Variants in KMT2C observed in about 807,000 individuals in gnomAD.
The protein encoded by KMT2C is lysine methyltransferase 2C.
A neutral mutation model predicts 507.9 loss-of-function variants in KMT2C; 88 were observed. The observed-to-expected ratio is 0.17, with a 90% confidence interval of 0.15 to 0.21. The LOEUF (loss-of-function observed/expected upper bound fraction) is 0.21, where lower values mean the gene tolerates loss of function less well. KMT2C is among the 10% of genes least tolerant of loss of function. The pLI is 1.00. For missense variants in KMT2C, 4,954 were observed against 5,957.8 expected (o/e 0.83, Z 5.55); for synonymous variants, 2,049 against 2,080.8 (o/e 0.98, Z 0.42).
At chr7:152,174,533 A>G (rs541058927) in intron 38 of KMT2C, among the ~76,000 whole-genome samples, 2 of 152,242 alleles carry the variant, frequency 1.3e-5, no homozygotes, top group South Asian at 4.1e-4. Flanking sequence ...TTGCAATGCT[A>G]ATCAGAATGG....
intron 2 of KMT2C, among the ~76,000 whole-genome samples, chr7:152,346,404 T>G (rs1315280684): frequency 4.6e-5 from 7 of 152,178 alleles, no homozygotes; most frequent in Non-Finnish European, 1.0e-4. Flanking sequence ...CACGTCAGAA[T>G]TCAACTAGAA....
At chr7:152,411,579 C>T (rs35774605) in intron 1 of KMT2C, among the ~76,000 whole-genome samples, 1 of 152,218 alleles carries the variant, frequency 6.6e-6, no homozygotes, top group African/African-American at 2.4e-5. Context: ...AAAGTAGATC[C>T]GACGTAAAGC....
chr7:152,416,893 C>A (rs1274779410), intron 1 of KMT2C, among the ~76,000 whole-genome samples: 4 of 150,834 alleles, frequency 2.7e-5, no homozygotes, highest in African/African-American at 4.9e-5. Context: ...CTACTAAAAT[C>A]AAAAAATTAG....
In KMT2C at chr7:152,266,245, T is replaced by C. The variant is rs1484414122; in HGVS notation, c.1013-1036A>G. Among the ~76,000 whole-genome samples the C allele has an allele frequency of 2.0e-5, 3 of 152,022 alleles. No individual in the cohort carries two copies. In the East Asian group the frequency reaches 5.8e-4, roughly 29 times the overall value. On this transcript the variant is annotated intron_variant, in intron 7 of 58. Coordinates refer to ENST00000262189, the MANE Select transcript of KMT2C (RefSeq NM_170606.3). ...AGTATCACAAAGTATATGAACCTTT[T>C]TTTTTTCCTTTTTTTTTGAGACAGA...
At chr7:152,270,931 C>T (rs928480116) in intron 7 of KMT2C, among the ~76,000 whole-genome samples, 30 of 152,178 alleles carry the variant, frequency 2.0e-4, no homozygotes, top group Non-Finnish European at 4.1e-4. Context: ...AATTTCTCAA[C>T]TTTTATAAAA....
intron 2 of KMT2C, among the ~76,000 whole-genome samples, chr7:152,345,288 T>C (rs1178869312): frequency 1.3e-5 from 2 of 151,900 alleles, no homozygotes; most frequent in African/African-American, 4.8e-5. Flanking sequence ...TGTGCACCAG[T>C]AGTCCCAGCT....
intron 2 of KMT2C, among the ~76,000 whole-genome samples, chr7:152,356,129 T>TA (rs759825139): frequency 1.3e-5 from 2 of 152,252 alleles, no homozygotes; most frequent in Admixed American, 6.5e-5. Flanking sequence ...GAAAATAGAT[T>TA]TGATGGTAGA....
chr7:152,190,908 C>A (rs192385279), intron 31 of KMT2C, among the ~76,000 whole-genome samples: 8 of 152,258 alleles, frequency 5.3e-5, no homozygotes, highest in Non-Finnish European at 7.4e-5. Context: ...AACTGTACAA[C>A]CTGTCTCTAA....
In KMT2C at chr7:152,181,143, T is replaced by C; in HGVS notation, c.6717A>G (p.Thr2239=). The change falls in exon 36 of 59, where the codon ACA becomes ACG. Residue 2239 remains threonine, a synonymous_variant. Coordinates refer to ENST00000262189, the MANE Select transcript of KMT2C (RefSeq NM_170606.3). ...CCTGATTTGGCATGAGGACTGGTCT[T>C]GTCATTGAGGACCTAGTAAAACCCT... ...ISEGFTRSSM[T]RPVLMPNQDP... The C allele has an allele frequency of 1.2e-6, 2 of 1,614,148 alleles. No homozygotes were observed. The highest frequency in any genetic ancestry group is 1.7e-6 in the Non-Finnish European group (2 of 1,180,030).
intron 1 of KMT2C, among the ~76,000 whole-genome samples, chr7:152,431,958 G>A (rs904305756): frequency 3.3e-5 from 5 of 152,190 alleles, no homozygotes; most frequent in Non-Finnish European, 5.9e-5. Context: ...GCTATGAAAA[G>A]GAGAAATTTT....
At position 152,397,301 on chromosome 7, in the gene KMT2C, T is replaced by C. The variant is rs547766838; in HGVS notation, c.161+38325A>G. Among the ~76,000 whole-genome samples the C allele has an allele frequency of 2.0e-5, 3 of 151,984 alleles. No homozygotes were observed. The South Asian group carries it at 6.2e-4, about 32-fold the overall frequency. On this transcript the variant is annotated intron_variant, in intron 1 of 58. Coordinates refer to ENST00000262189, the MANE Select transcript of KMT2C (RefSeq NM_170606.3). ...ACCTCCACCTCCCAGGTACAAGCAA[T>C]TCTCTCCTGCCTCAGCCTCCTGAGC...
rs182583801 is a variant in KMT2C at position 152,302,828 on chromosome 7, G to A, written c.849+7138C>T. ...GGTTAATTTTTATATTTTTTTAGTA[G>A]AGACAGGGTTTTGCCATGTTGGTTA... On this transcript the variant is annotated intron_variant, in intron 6 of 58. Coordinates refer to ENST00000262189, the MANE Select transcript of KMT2C (RefSeq NM_170606.3). 2.1e-3 allele frequency among the ~76,000 whole-genome samples: 321 copies of A among 151,962 alleles called. 3 individuals carry two copies. The highest frequency in any genetic ancestry group is 0.01 in the Middle Eastern group (3 of 294).
At chr7:152,204,091 A>G (rs1273693836) in intron 25 of KMT2C, among the ~76,000 whole-genome samples, 3 of 151,652 alleles carry the variant, frequency 2.0e-5, no homozygotes, top group Non-Finnish European at 2.9e-5. Context: ...ACACCTTCAC[A>G]CAAACCATCA....
At chr7:152,330,492 C>A in intron 3 of KMT2C, 109 bp downstream of exon 3, 3 of 1,087,174 alleles carry the variant, frequency 2.8e-6, no homozygotes, top group Non-Finnish European at 4.1e-6. Flanking sequence ...ATCATAAAAT[C>A]CCACCCAGAT....
At chr7:152,395,355 T>TC (rs879263079) in intron 1 of KMT2C, among the ~76,000 whole-genome samples, 1,756 of 148,572 alleles carry the variant, frequency 0.012, 22 homozygotes, top group African/African-American at 0.036. Context: ...GGCTTTTCTT[T>TC]CCCCCCCCCA....
In KMT2C at chr7:152,181,777, C is replaced by T. The variant is rs778364715; in HGVS notation, c.6083G>A (p.Arg2028Gln). The T allele has an allele frequency of 6.8e-6, 11 of 1,613,862 alleles. No individual in the cohort carries two copies. The highest frequency in any genetic ancestry group is 3.3e-5 in the South Asian group (3 of 91,062). The change falls in exon 36 of 59, where the codon CGA becomes CAA. Residue 2028 changes from arginine (R) to glutamine (Q), a missense_variant. Arg to Gln is a conservative substitution (Grantham distance 43, BLOSUM62 1). Around this residue, in one of 29 missense-constraint regions of KMT2C, gnomAD observed 1,689 missense variants for 1,654.3 expected, o/e 1.02. Coordinates refer to ENST00000262189, the MANE Select transcript of KMT2C (RefSeq NM_170606.3). ...QRQRIPDSYA[R>Q]PLLTPAPLDS... Reference sequence around the variant, plus strand: ...AAGAGGTGCAGGTGTCAACAAGGGTCGTGCATATGAGTCAGGTATCCTTTG... The same window carrying T: ...AAGAGGTGCAGGTGTCAACAAGGGTTGTGCATATGAGTCAGGTATCCTTTG...
chr7:152,359,505 C>T (rs1277717793), intron 1 of KMT2C, among the ~76,000 whole-genome samples: 1 of 152,118 alleles, frequency 6.6e-6, no homozygotes, highest in Non-Finnish European at 1.5e-5. Flanking sequence ...TAAGGTGGCT[C>T]ACACCTGTAA....
At chr7:152,355,827 A>AT (rs776628811) in intron 2 of KMT2C, among the ~76,000 whole-genome samples, 6 of 152,154 alleles carry the variant, frequency 3.9e-5, no homozygotes, top group Non-Finnish European at 7.4e-5. Context: ...TAACTCAAGG[A>AT]TTTTTGCTAT....
intron 1 of KMT2C, 66 bp downstream of exon 1, chr7:152,435,560 C>A (rs1223245802): frequency 1.1e-5 from 12 of 1,065,034 alleles, no homozygotes; most frequent in Non-Finnish European, 1.4e-5. Context: ...GGGGCGGGCG[C>A]CCGGTGACAG....
Sources: gnomAD v4.1 joint callset for allele counts (sites outside exome capture counted in the v4.1 genomes callset) on GRCh38, gnomAD v4.1.1 for gene constraint, gnomAD v4.1.1 regional missense constraint, MANE v1.5 for transcripts, NCBI Gene and HGNC (gene_info 2026-07-23, HGNC 2026-07-21) for gene names.